The following ANK2 variants were observed in gnomAD, a reference collection of about 807,000 sequenced individuals.
The protein encoded by ANK2 is ankyrin-2.
A neutral mutation model predicts 360.5 loss-of-function variants in ANK2; 83 were observed. That is an observed-to-expected ratio of 0.23 (90% CI 0.19 to 0.28). ANK2 has a LOEUF of 0.28. Among genes scored for constraint, ANK2 ranks in the 10% least tolerant of loss-of-function variants. The probability of loss-of-function intolerance (pLI) is 1.00; values close to 1 mark genes in which losing one functional copy is unlikely to be tolerated. For missense variants in ANK2, 4,201 were observed against 4,795.7 expected (o/e 0.88, Z 3.66); for synonymous variants, 1,740 against 1,759.5 (o/e 0.99, Z 0.28).
At chr4:113,071,244 G>T (rs1365801024) in intron 1 of ANK2, among the ~76,000 whole-genome samples, 1 of 152,282 alleles carries the variant, frequency 6.6e-6, no homozygotes, top group East Asian at 1.9e-4. Flanking sequence ...AGCCAGGATA[G>T]GTACAAGCAC....
At chr4:113,344,834 G>GT (rs1398426952) in intron 34 of ANK2, among the ~76,000 whole-genome samples, 1 of 152,114 alleles carries the variant, frequency 6.6e-6, no homozygotes, top group Non-Finnish European at 1.5e-5. Flanking sequence ...GAAAGCATTT[G>GT]TTTTTATTTA....
chr4:113,126,353 T>C (rs779425184), intron 1 of ANK2, among the ~76,000 whole-genome samples: 1 of 152,192 alleles, frequency 6.6e-6, no homozygotes, highest in African/African-American at 2.4e-5. Context: ...TTAGTGAAAA[T>C]AAATCTCCTG....
chr4:112,782,010 A>G, the ANK2 span, among the ~76,000 whole-genome samples: 2 of 151,872 alleles, frequency 1.3e-5, no homozygotes, highest in African/African-American at 2.4e-5. Context: ...TTGTATTTTT[A>G]GTAGAGACAG....
chr4:112,788,008 C>T, the ANK2 span: 2 of 745,202 alleles, frequency 2.7e-6, no homozygotes, highest in East Asian at 2.7e-5. Context: ...TTATGTATTA[C>T]CCAATGTATT....
intron 2 of ANK2, among the ~76,000 whole-genome samples, chr4:113,177,319 A>AGG (rs1167349971): frequency 6.6e-6 from 1 of 152,114 alleles, no homozygotes; most frequent in South Asian, 2.1e-4. Context: ...TGACCTCGTG[A>AGG]TCAGCCCGCC....
At chr4:113,167,455 G>A (rs115991140) in intron 1 of ANK2, among the ~76,000 whole-genome samples, 7,504 of 151,676 alleles carry the variant, frequency 0.049, 214 homozygotes, top group Non-Finnish European at 0.055. Flanking sequence ...GTCTGCCACC[G>A]TGACTGGCTA....
At position 112,844,352 on chromosome 4, in the gene ANK2, C is replaced by T. The variant is rs147505392; in HGVS notation, c.-40+26088C>T. Among the ~76,000 whole-genome samples, 150 of 152,216 alleles carry T rather than the reference C, an allele frequency of 9.9e-4. 2 individuals are homozygous for T. The East Asian group carries it at 0.023, about 23-fold the overall frequency. ...CTTCCTTGTCCCTTTCTTATGACAA[C>T]GATTATATTTTATCATACATTATTA... On this transcript the variant is annotated intron_variant, in intron 1 of 30. Coordinates refer to the ANK2 transcript ENST00000503271.
intron 5 of ANK2, among the ~76,000 whole-genome samples, chr4:113,234,004 A>G (rs887851848): frequency 6.6e-5 from 10 of 152,224 alleles, no homozygotes; most frequent in Admixed American, 6.5e-5. Context: ...GAAATATATC[A>G]AAATAAGGAC....
chr4:113,068,065 A>G (rs188917521), intron 1 of ANK2, among the ~76,000 whole-genome samples: 1 of 152,310 alleles, frequency 6.6e-6, no homozygotes, highest in Admixed American at 6.5e-5. Context: ...AAGAAAGCCA[A>G]AACATAGCAT....
At chr4:113,239,724 A>G (rs2099410052) in intron 7 of ANK2, among the ~76,000 whole-genome samples, 1 of 152,184 alleles carries the variant, frequency 6.6e-6, no homozygotes, top group Non-Finnish European at 1.5e-5. Context: ...TTTGAGAGTA[A>G]ACAGTTCTGT....
intron 1 of ANK2, among the ~76,000 whole-genome samples, chr4:113,155,563 TAAAA>T (rs2097255954): frequency 6.6e-6 from 1 of 151,932 alleles, no homozygotes. Context: ...TTTAGGAAAT[TAAAA>T]AAATTAAATG....
chr4:112,904,063 T>A (rs1158363629), intron 1 of ANK2, among the ~76,000 whole-genome samples: 2 of 152,186 alleles, frequency 1.3e-5, no homozygotes, highest in Admixed American at 1.3e-4. Flanking sequence ...GGAATGCTTA[T>A]CCAATTTAAT....
At chr4:113,219,477 A>G (rs2153480909) in intron 4 of ANK2, among the ~76,000 whole-genome samples, 1 of 152,176 alleles carries the variant, frequency 6.6e-6, no homozygotes, top group South Asian at 2.1e-4. Flanking sequence ...ATTTCTATTG[A>G]CAACTTAAAT....
At chr4:112,723,107 C>T in the ANK2 span, among the ~76,000 whole-genome samples, 1 of 152,198 alleles carries the variant, frequency 6.6e-6, no homozygotes, top group Non-Finnish European at 1.5e-5. Context: ...AGCCAGTCAA[C>T]AACTTCTGAT....
chr4:112,922,096 C>T (rs915440250), intron 2 of ANK2, among the ~76,000 whole-genome samples: 2 of 152,336 alleles, frequency 1.3e-5, no homozygotes, highest in South Asian at 2.1e-4. Flanking sequence ...TACTCTAACT[C>T]GTCTTAGGTG....
intron 26 of ANK2, among the ~76,000 whole-genome samples, chr4:113,320,089 C>A (rs1018035207): frequency 6.6e-6 from 1 of 152,112 alleles, no homozygotes; most frequent in Non-Finnish European, 1.5e-5. Context: ...AAAAGAAGTT[C>A]TTTCATTACT....
chr4:112,899,549 A>T (rs893176597), intron 1 of ANK2, among the ~76,000 whole-genome samples: 21 of 152,192 alleles, frequency 1.4e-4, no homozygotes, highest in African/African-American at 5.1e-4. Context: ...TAGGCACCTA[A>T]CAGAATGAAC....
intron 4 of ANK2, among the ~76,000 whole-genome samples, chr4:113,202,204 AT>A (rs1210909076): frequency 1.3e-5 from 2 of 152,100 alleles, no homozygotes; most frequent in African/African-American, 4.8e-5. Flanking sequence ...AGGGTTGATT[AT>A]TTTACCCCCT....
At chr4:113,172,167 T>C (rs57254991) in intron 1 of ANK2, among the ~76,000 whole-genome samples, 9,678 of 152,196 alleles carry the variant, frequency 0.064, 942 homozygotes, top group African/African-American at 0.21. Context: ...TAGGTGCATA[T>C]AGAGGGGTGA....
Sources: gnomAD v4.1 joint callset for allele counts (sites outside exome capture counted in the v4.1 genomes callset) on GRCh38, gnomAD v4.1.1 for gene constraint, MANE v1.5 for transcripts, NCBI Gene and HGNC (gene_info 2026-07-23, HGNC 2026-07-21) for gene names.